RNF213: variants seen among roughly 807,000 people sequenced by gnomAD.
RNF213 encodes the protein ring finger protein 213, also known as E3 ubiquitin-protein ligase RNF213.
Under a neutral mutation model 514.4 loss-of-function variants are expected in RNF213, and 341 were observed. The ratio of observed to expected loss-of-function variants is 0.66; its 90% confidence interval spans 0.61 to 0.73. The LOEUF (loss-of-function observed/expected upper bound fraction) is 0.73, where lower values mean the gene tolerates loss of function less well. Among genes scored for constraint, RNF213 ranks in the 30% least tolerant of loss-of-function variants. RNF213 has a pLI of 0.00. For missense variants in RNF213, 5,767 were observed against 6,615.6 expected (o/e 0.87, Z 4.45); for synonymous variants, 2,655 against 2,658.2 (o/e 1.00, Z 0.04).
intron 11 of RNF213, among the ~76,000 whole-genome samples, chr17:80,304,355 G>T (rs566911303): frequency 2.9e-4 from 44 of 152,162 alleles, no homozygotes; most frequent in African/African-American, 9.4e-4. Flanking sequence ...TAATTAAGAG[G>T]CTTGGCTGGG....
intron 3 of RNF213, among the ~76,000 whole-genome samples, chr17:80,283,338 G>T (rs2044363280): frequency 6.6e-6 from 1 of 152,210 alleles, no homozygotes; most frequent in East Asian, 1.9e-4. Context: ...AGCCCTGCAG[G>T]TGTGATGATG....
intron 15 of RNF213, among the ~76,000 whole-genome samples, chr17:80,313,895 G>A (rs1193329117): frequency 4.2e-4 from 33 of 78,710 alleles, no homozygotes; most frequent in East Asian, 7.6e-4. Context: ...TACTGGAGGT[G>A]ATGGTGGTGG....
intron 18 of RNF213, among the ~76,000 whole-genome samples, chr17:80,325,855 C>G (rs945115652): frequency 8.5e-5 from 13 of 152,132 alleles, no homozygotes; most frequent in Non-Finnish European, 1.6e-4. Context: ...ATCAGGGAAG[C>G]TGTGGGGATC....
chr17:80,376,765 G>A, intron 52 of RNF213, 117 bp from the exon 53 acceptor site: 9 of 1,129,712 alleles, frequency 8.0e-6, no homozygotes, highest in Middle Eastern at 2.2e-4. Context: ...GACAGCTTGA[G>A]AAGTCCAGCA....
In RNF213 at chr17:80,317,465, T is replaced by C. The variant is rs75709900; in HGVS notation, c.2901+188T>C. ...TCCCTAGAAGAGCGCTTCGGAGTCT[T>C]ACTGAGAGGACAGAGAAGAACAAGG... On this transcript the variant is annotated intron_variant, in intron 16 of 67. Transcript: ENST00000582970. The surrounding 1 kb of genome is among the most constrained non-coding windows in gnomAD (Gnocchi z 4.1). Among the ~76,000 whole-genome samples, 1,309 of 152,172 alleles carry C rather than the reference T, an allele frequency of 8.6e-3. 21 individuals are homozygous for C. The highest frequency in any genetic ancestry group is 0.03 in the African/African-American group (1,236 of 41,514).
chr17:80,339,847 T>C lies in RNF213; in HGVS notation c.5480T>C (p.Val1827Ala). Reference sequence around the variant, plus strand: ...CGTTGTCTCCCGAGAGGTCTGCAGGTCGGCCAGCCCAACCTCGTCGTCTGT... The same window carrying C: ...CGTTGTCTCCCGAGAGGTCTGCAGGCCGGCCAGCCCAACCTCGTCGTCTGT... ...VERCLPRGLQ[V>A]GQPNLVVCGH... The change falls in exon 26 of 68, where the codon GTC (valine) becomes GCC (alanine). Residue 1827 changes from valine to alanine, a missense_variant. This residue lies in a region of RNF213 where 1,377 missense variants were observed against 1,635.2 expected (regional missense o/e 0.84). Transcript: ENST00000582970. The C allele has an allele frequency of 1.3e-6, 2 of 1,535,612 alleles. No individual in the cohort carries two copies. Among genetic ancestry groups the C allele is most frequent in the Non-Finnish European group, 1.7e-6 (2 of 1,145,924 alleles).
chr17:80,332,074 A>G lies in RNF213; in HGVS notation c.3586A>G (p.Thr1196Ala). The change falls in exon 21 of 68, where the codon ACA becomes GCA. Residue 1196 changes from threonine (T) to alanine (A), a missense_variant. Thr to Ala is a moderately conservative substitution (Grantham distance 58, BLOSUM62 0). Around this residue, in one of 13 missense-constraint regions of RNF213, gnomAD observed 516 missense variants for 566.5 expected, o/e 0.91. Transcript: ENST00000582970. ...LSSKRLNDTV[T>A]VRLSTSSNSQ... ...CAGTAAAAGATTAAATGACACCGTG[A>G]CAGTGAGACTGTCCACCTCCTCGAA... 1 of 1,537,236 alleles carries G rather than the reference A, an allele frequency of 6.5e-7. No homozygotes were observed. The highest frequency in any genetic ancestry group is 8.7e-7 in the Non-Finnish European group (1 of 1,146,918).
intron 52 of RNF213, 51 bp from the exon 53 acceptor site, chr17:80,376,831 C>G: frequency 6.7e-7 from 1 of 1,499,428 alleles, no homozygotes; most frequent in Non-Finnish European, 9.3e-7. Context: ...CAGCAGCACC[C>G]AGGTGACAAG....
At chr17:80,364,704 C>T in intron 42 of RNF213, 151 bp downstream of exon 42, 1 of 845,636 alleles carries the variant, frequency 1.2e-6, no homozygotes, top group Non-Finnish European at 1.9e-6. Context: ...CATCACTAGG[C>T]CATTACATTT....
rs1257627183 is a variant in RNF213 at position 80,313,800 on chromosome 17, GTGGAGGTAA to G, written c.2811+641_2811+649del. On this transcript the variant is annotated intron_variant, in intron 15 of 67. Transcript: ENST00000582970. The stretch of plus-strand genomic sequence containing the variant: ...GGTGATGGTGGTGGTGAAGGTGATG[GTGGAGGTAA>G]TGGAGGTGATGGTGGTGGTGGAGGT... Among the ~76,000 whole-genome samples, 61 of 139,126 alleles carry G rather than the reference GTGGAGGTAA, an allele frequency of 4.4e-4. 1 individual carries two copies. Among genetic ancestry groups the G allele is most frequent in the Admixed American group, 1.1e-3 (16 of 14,392 alleles). The allele number at this position is 139,126 out of a possible 152,430, so 91.3% of individuals were successfully genotyped here. A position where few individuals can be genotyped will look rare whatever the true frequency, so the allele number is the denominator to read the frequency against.
At position 80,288,352 on chromosome 17, in the gene RNF213, T is replaced by G; in HGVS notation, c.799T>G (p.Ser267Ala). The G allele has an allele frequency of 6.2e-7, 1 of 1,612,232 alleles. No homozygotes were observed. The highest frequency in any genetic ancestry group is 8.5e-7 in the Non-Finnish European group (1 of 1,179,950). ...LQTTEQQAGA[S>A]ASMAVDAVAE... is the part of the protein sequence containing the mutation. ...GACCACCGAGCAACAGGCAGGGGCC[T>G]CAGCCTCTATGGTGAGTCATCCGGG... Residue 267 changes from serine to alanine, a missense_variant, in exon 4 of 68, where the codon TCA (serine) becomes GCA (alanine). By Grantham distance (99) the Ser-to-Ala change is moderately conservative. This residue lies in a region of RNF213 where 509 missense variants were observed against 496.7 expected (regional missense o/e 1.02). Transcript: ENST00000582970. This position sits in a 1 kb window ranked among gnomAD's most constrained non-coding sequence, Gnocchi z 4.9.
intron 23 of RNF213, among the ~76,000 whole-genome samples, chr17:80,337,118 T>C (rs1176641121): frequency 1.3e-5 from 2 of 152,104 alleles, no homozygotes. Context: ...AACAAAACCC[T>C]CTGTTGTGAT....
chr17:80,327,803 T>C lies in RNF213; in HGVS notation c.3194-13T>C. On this transcript the variant is annotated splice_polypyrimidine_tract_variant and intron_variant, in intron 18 of 67. Coordinates refer to ENST00000582970, the MANE Select transcript of RNF213 (RefSeq NM_001256071.3). The stretch of plus-strand genomic sequence containing the variant: ...GGAGCCCACTGTGTTAACTGTGTTC[T>C]TCATCTATTCAGGAACCGACGAGAA... 6.5e-7 allele frequency: 1 copy of C among 1,531,768 alleles called. No homozygotes were observed. Among genetic ancestry groups the C allele is most frequent in the Non-Finnish European group, 8.8e-7 (1 of 1,142,672 alleles). 94.9% of individuals were successfully genotyped at this position (1,531,768 alleles called of 1,614,324 possible). A position where few individuals can be genotyped will look rare whatever the true frequency, so the allele number is the denominator to read the frequency against.
intron 19 of RNF213, among the ~76,000 whole-genome samples, 164 bp from the exon 20 acceptor site, chr17:80,328,164 G>A (rs576759304): frequency 5.3e-4 from 80 of 152,258 alleles, no homozygotes; most frequent in African/African-American, 1.9e-3. Context: ...AGAACATCAC[G>A]GGAAAGTGAT....
chr17:80,376,328 G>A lies in RNF213; in HGVS notation c.13213G>A (p.Gly4405Ser). The change falls in exon 52 of 68, where the codon GGC (glycine) becomes AGC (serine). Residue 4405 changes from glycine to serine, a missense_variant. By Grantham distance (56) the Gly-to-Ser change is moderately conservative. Transcript: ENST00000582970. The part of the protein sequence containing the change: ...EQCEAVSKFI[G>S]ECKILSPPDI... ...ATGTGAAGCTGTGAGCAAATTCATT[G>A]GCGAATGCAAGATCCTTTCACCTCC... The A allele has an allele frequency of 6.2e-7, 1 of 1,614,126 alleles. No individual in the cohort carries two copies. The highest frequency in any genetic ancestry group is 8.5e-7 in the Non-Finnish European group (1 of 1,180,014).
chr17:80,339,674 A>G lies in RNF213; in HGVS notation c.5307A>G (p.Leu1769=), dbSNP rs915461452. The G allele has an allele frequency of 5.5e-5, 84 of 1,537,042 alleles. No homozygotes were observed. The highest frequency in any genetic ancestry group is 2.4e-4 in the Admixed American group (12 of 50,978). The change falls in exon 26 of 68, where the codon TTA becomes TTG. Residue 1769 remains leucine, a synonymous_variant. Coordinates refer to ENST00000582970, the MANE Select transcript of RNF213 (RefSeq NM_001256071.3). The part of the protein sequence containing the change: ...RVMEELPLML[L]SEFSLVDKLR... ...TGGAAGAGCTCCCGCTGATGCTCTT[A>G]TCAGAGTTCAGCCTGGTGGACAAGC...
At chr17:80,368,259 A>T in intron 44 of RNF213, 116 bp downstream of exon 44, 1 of 1,148,700 alleles carries the variant, frequency 8.7e-7, no homozygotes, top group Non-Finnish European at 1.3e-6. Context: ...ACCTGACCTC[A>T]GAGAACTATC....
In RNF213 at chr17:80,306,530, A is replaced by G. The variant is rs190529817; in HGVS notation, c.2427+62A>G. 344 of 1,491,386 alleles carry G rather than the reference A, an allele frequency of 2.3e-4. 1 individual carries two copies. In the East Asian group the frequency reaches 7.4e-3, roughly 32 times the overall value. The allele number at this position is 1,491,386 out of a possible 1,614,324, so 92.4% of individuals were successfully genotyped here. On this transcript the variant is annotated intron_variant, in intron 12 of 67. Transcript: ENST00000582970. ...GCAAAAGCAGACTAGATAACTAAAC[A>G]TGGAAAGCTCAGGATTCTTATTCCT...
At chr17:80,271,259 C>T (rs958394905) in intron 2 of RNF213, among the ~76,000 whole-genome samples, 1 of 152,116 alleles carries the variant, frequency 6.6e-6, no homozygotes, top group Non-Finnish European at 1.5e-5. Context: ...TCATGTGTGT[C>T]TTATGTATGT....
Sources: allele counts gnomAD v4.1 joint callset (sites outside exome capture counted in the v4.1 genomes callset), GRCh38; gene constraint gnomAD v4.1.1; regional missense constraint gnomAD v4.1.1; non-coding constraint Gnocchi (gnomAD v3.1); transcripts MANE v1.5; gene names NCBI Gene and HGNC (gene_info 2026-07-23, HGNC 2026-07-21).